Variants in KLHL8 observed in about 807,000 individuals in gnomAD.
KLHL8 encodes the protein kelch-like protein 8.
A neutral mutation model predicts 63.5 loss-of-function variants in KLHL8; 38 were observed. The ratio of observed to expected loss-of-function variants is 0.60; its 90% CI spans 0.46 to 0.78. KLHL8 has a LOEUF of 0.78. Among genes scored for constraint, KLHL8 ranks in the 30% least tolerant of loss-of-function variants. The pLI is 0.00. For synonymous variants in KLHL8, 224 were observed against 254.3 expected (o/e 0.88, Z 1.13); for missense variants, 566 against 752.4 (o/e 0.75, Z 2.90).
At chr4:87,228,723 G>A (rs188020864) in intron 1 of KLHL8, among the ~76,000 whole-genome samples, 10 of 152,334 alleles carry the variant, frequency 6.6e-5, no homozygotes, top group Admixed American at 3.3e-4. Flanking sequence ...CACCAACTGA[G>A]AGATAAACTA....
intron 2 of KLHL8, among the ~76,000 whole-genome samples, chr4:87,194,623 A>G (rs1046657374): frequency 6.6e-6 from 1 of 152,232 alleles, no homozygotes; most frequent in Non-Finnish European, 1.5e-5. Flanking sequence ...AAATTTTAAT[A>G]TTTCACTGAG....
At chr4:87,180,568 T>C (rs1034001233) in intron 4 of KLHL8, among the ~76,000 whole-genome samples, 10 of 152,360 alleles carry the variant, frequency 6.6e-5, no homozygotes, top group African/African-American at 2.4e-4. Flanking sequence ...ACCAGACAAG[T>C]TATTCCAAAA....
intron 1 of KLHL8, among the ~76,000 whole-genome samples, chr4:87,197,488 T>A (rs1313018557): frequency 1.3e-5 from 2 of 152,198 alleles, no homozygotes; most frequent in Non-Finnish European, 2.9e-5. Flanking sequence ...GATTTCTTCA[T>A]AATTGAGCCT....
chr4:87,168,744 A>G (rs1730510710), intron 8 of KLHL8, among the ~76,000 whole-genome samples: 1 of 147,836 alleles, frequency 6.8e-6, no homozygotes, highest in African/African-American at 2.5e-5. Flanking sequence ...GTGTATATAT[A>G]CGTGTATATA....
intron 1 of KLHL8, among the ~76,000 whole-genome samples, chr4:87,230,971 G>A (rs1406106564): frequency 1.3e-5 from 2 of 152,188 alleles, no homozygotes; most frequent in Non-Finnish European, 2.9e-5. Context: ...AGTGGAATGT[G>A]GACTTCCATC....
chr4:87,176,757 C>G lies in KLHL8; in HGVS notation c.1208G>C (p.Arg403Thr), dbSNP rs199868283. 1.3e-6 allele frequency: 2 copies of G among 1,499,426 alleles called. No individual in the cohort carries two copies. Among genetic ancestry groups the G allele is most frequent in the East Asian group, 2.3e-5 (1 of 43,862 alleles). 92.9% of individuals were successfully genotyped at this position (1,499,426 alleles called of 1,614,324 possible). ...WMMKASMNTK[R>T]RGIALASLGG... Reference sequence around the variant, plus strand: ...AAAATAACTTTCCATGCTGATCTACCTCTTTGTGTTCATTGATGCCTTCAT... The same window carrying G: ...AAAATAACTTTCCATGCTGATCTACGTCTTTGTGTTCATTGATGCCTTCAT... The change falls in exon 6 of 10, where the codon AGG becomes ACG. Residue 403 changes from arginine (R) to threonine (T), a missense_variant and splice_region_variant. By Grantham distance (71) the Arg-to-Thr change is moderately conservative (BLOSUM62 -1). Coordinates refer to ENST00000273963, the MANE Select transcript of KLHL8 (RefSeq NM_020803.5).
chr4:87,203,926 T>A (rs1732019816), intron 1 of KLHL8, among the ~76,000 whole-genome samples: 1 of 151,950 alleles, frequency 6.6e-6, no homozygotes. Context: ...CCCAAATATA[T>A]AAAACTTTCA....
chr4:87,187,153 AATGTGAAT>A (rs1459924330), intron 2 of KLHL8, among the ~76,000 whole-genome samples: 1 of 152,176 alleles, frequency 6.6e-6, no homozygotes. Flanking sequence ...CAAAGGATAC[AATGTGAAT>A]ATGTGAATAC....
At chr4:87,176,916 A>G (rs1238349031) in intron 5 of KLHL8, 48 bp from the exon 6 acceptor site, 12 of 904,126 alleles carry the variant, frequency 1.3e-5, no homozygotes, top group Non-Finnish European at 1.9e-5. Context: ...AAATAAATTC[A>G]TATCATTAAT....
At chr4:87,223,993 T>C (rs1472365908), upstream of KLHL8, among the ~76,000 whole-genome samples, 1 of 152,180 alleles carries the variant, frequency 6.6e-6, no homozygotes, top group Non-Finnish European at 1.5e-5. Context: ...TGATAGCTGT[T>C]TGTTCATTTT....
Position 87,207,740 on chromosome 4 carries a change from A to G in KLHL8, c.-151-12050T>C. On this transcript the variant is annotated intron_variant, in intron 1 of 9. Transcript: ENST00000273963. ...ACTGGTGCTGCCAAGGCTGTGGGAA[A>G]GGCCCTCTCTGAGCTGAATGGGAAG... 7.0e-6 allele frequency: 6 copies of G among 861,238 alleles called. No individual in the cohort carries two copies. The South Asian group carries it at 8.1e-5, about 12-fold the overall frequency. The allele number at this position is 861,238 out of a possible 1,614,324, so 53.3% of individuals were successfully genotyped here.
At chr4:87,221,817 C>T (rs1732864208), upstream of KLHL8, among the ~76,000 whole-genome samples, 1 of 151,918 alleles carries the variant, frequency 6.6e-6, no homozygotes, top group African/African-American at 2.4e-5. Context: ...TCAAAATATT[C>T]CTCTTTAGAG....
chr4:87,210,425 G>A (rs1423675200), intron 1 of KLHL8, among the ~76,000 whole-genome samples: 1 of 152,098 alleles, frequency 6.6e-6, no homozygotes, highest in Non-Finnish European at 1.5e-5. Context: ...AGCTTGCAGT[G>A]AGCCAAGTTC....
chr4:87,233,399 C>T (rs936443712), intron 1 of KLHL8, among the ~76,000 whole-genome samples: 10 of 152,068 alleles, frequency 6.6e-5, no homozygotes, highest in Non-Finnish European at 1.3e-4. Flanking sequence ...ACCAGCCTAA[C>T]CAACATGGTG....
At chr4:87,238,372 T>C (rs1733271798) in intron 1 of KLHL8, among the ~76,000 whole-genome samples, 1 of 152,242 alleles carries the variant, frequency 6.6e-6, no homozygotes. Flanking sequence ...CAGCACTGTG[T>C]AATAGAACTT....
intron 1 of KLHL8, among the ~76,000 whole-genome samples, chr4:87,201,958 A>T (rs1039608148): frequency 5.3e-5 from 8 of 152,112 alleles, no homozygotes; most frequent in Admixed American, 5.2e-4. Flanking sequence ...AATCAAAAAA[A>T]TTAGCTGGGC....
chr4:87,190,740 G>A (rs960213228), intron 2 of KLHL8, among the ~76,000 whole-genome samples: 1 of 151,850 alleles, frequency 6.6e-6, no homozygotes, highest in Non-Finnish European at 1.5e-5. Context: ...ATTTCTCATA[G>A]TTCTTGAGAC....
intron 6 of KLHL8, among the ~76,000 whole-genome samples, chr4:87,175,634 G>A (rs1249298594): frequency 6.6e-6 from 1 of 152,024 alleles, no homozygotes; most frequent in Non-Finnish European, 1.5e-5. Context: ...CTAAAAAGCT[G>A]GTATTCAAGT....
chr4:87,163,837 C>G, intron 9 of KLHL8, 41 bp downstream of exon 9: 17 of 1,579,460 alleles, frequency 1.1e-5, no homozygotes, highest in Non-Finnish European at 1.5e-5. Context: ...TACTATTATA[C>G]CAGAAGATAA....
Sources: allele counts gnomAD v4.1 joint callset (sites outside exome capture counted in the v4.1 genomes callset), GRCh38; gene constraint gnomAD v4.1.1; transcripts MANE v1.5; gene names NCBI Gene and HGNC (gene_info 2026-07-23, HGNC 2026-07-21).